SKP1: variants seen among roughly 807,000 people sequenced by gnomAD.
SKP1 encodes S-phase kinase associated protein 1.
A neutral mutation model predicts 21.5 loss-of-function variants in SKP1; 1 was observed. The ratio of observed to expected loss-of-function variants is 0.05; its 90% CI spans 0.02 to 0.22. The LOEUF (loss-of-function observed/expected upper bound fraction) is 0.22, where lower values mean the gene tolerates loss of function less well. Among genes scored for constraint, SKP1 ranks in the 10% least tolerant of loss-of-function variants. The probability of loss-of-function intolerance (pLI) is 1.00; values close to 1 mark genes in which losing one functional copy is unlikely to be tolerated. For synonymous variants in SKP1, 59 were observed against 59.3 expected (o/e 0.99, Z 0.03); for missense variants, 70 against 192.0 (o/e 0.36, Z 3.76).
Position 134,157,784 on chromosome 5 carries a change from A to T in SKP1, c.457-16T>A. On this transcript the variant is annotated splice_polypyrimidine_tract_variant and intron_variant, in intron 5 of 5. Transcript: ENST00000353411. Reference sequence around the variant, plus strand: ...CTTTGCGTACCTAAAAGAGATGGATATAGGGAAGTACCTTAACTTGAGTAG... The same window carrying T: ...CTTTGCGTACCTAAAAGAGATGGATTTAGGGAAGTACCTTAACTTGAGTAG... 1 of 1,613,234 alleles carries T rather than the reference A, an allele frequency of 6.2e-7. No homozygotes were observed. The highest frequency in any genetic ancestry group is 1.1e-5 in the South Asian group (1 of 91,076).
rs1339701210 is a variant in SKP1 at position 134,154,440 on chromosome 5, T to A, written c.*3293A>T. ...TCCAGTCTGGGCGACAGAGTGAGACTCTGTCTCAAAAAAAAAAAAAAAAAA... is the reference window on the plus strand; with the variant it reads ...TCCAGTCTGGGCGACAGAGTGAGACACTGTCTCAAAAAAAAAAAAAAAAAA... On this transcript the variant is annotated 3_prime_UTR_variant, in exon 6 of 6. Transcript: ENST00000353411. 1 of 112,770 alleles carries A rather than the reference T, an allele frequency of 8.9e-6. No homozygotes were observed. The highest frequency in any genetic ancestry group is 1.7e-5 in the Non-Finnish European group (1 of 60,402). 7.0% of individuals were successfully genotyped at this position (112,770 alleles called of 1,614,324 possible).
intron 2 of SKP1, among the ~76,000 whole-genome samples, chr5:134,169,718 T>A (rs558102232): frequency 1.2e-4 from 18 of 151,944 alleles, no homozygotes; most frequent in African/African-American, 4.1e-4. Context: ...TACAAAAAAA[T>A]TGGCCAGGCA....
intron 3 of SKP1, among the ~76,000 whole-genome samples, chr5:134,162,882 G>T (rs988995037): frequency 1.3e-5 from 2 of 151,770 alleles, no homozygotes; most frequent in Non-Finnish European, 2.9e-5. Context: ...AGAATAGCCT[G>T]GGCAATATAG....
Position 134,151,536 on chromosome 5 carries a change from T to A in SKP1, c.*6197A>T. ...CCAGATAGGTGGGAGGTATTCAAAG[T>A]GAGAGCACTTTAAGGAAATAAGCTG... On this transcript the variant is annotated 3_prime_UTR_variant, in exon 6 of 6. Coordinates refer to ENST00000353411, the MANE Select transcript of SKP1 (RefSeq NM_170679.3). The A allele has an allele frequency of 3.0e-6, 1 of 336,476 alleles. No individual in the cohort carries two copies. Among genetic ancestry groups the A allele is most frequent in the Non-Finnish European group, 6.1e-6 (1 of 163,340 alleles). The allele number at this position is 336,476 out of a possible 1,614,324, so 20.8% of individuals were successfully genotyped here.
chr5:134,164,959 T>C (rs1761298897), intron 3 of SKP1, among the ~76,000 whole-genome samples: 1 of 152,056 alleles, frequency 6.6e-6, no homozygotes, highest in East Asian at 1.9e-4. Flanking sequence ...ATTGTATGAT[T>C]CCATATATTA....
intron 2 of SKP1, among the ~76,000 whole-genome samples, chr5:134,169,675 G>T (rs996097196): frequency 6.6e-6 from 1 of 151,764 alleles, no homozygotes; most frequent in Admixed American, 6.6e-5. Flanking sequence ...GACCAGCCTG[G>T]CTAACATGGT....
At chr5:134,160,869 C>G (rs920281515) in intron 4 of SKP1, 118 bp downstream of exon 4, 5 of 665,332 alleles carry the variant, frequency 7.5e-6, no homozygotes, top group Non-Finnish European at 1.0e-5. Context: ...TTAAATATGG[C>G]GTTACATTTG....
At chr5:134,162,058 C>CA (rs1163666504) in intron 3 of SKP1, among the ~76,000 whole-genome samples, 1,810 of 128,476 alleles carry the variant, frequency 0.014, 32 homozygotes, top group African/African-American at 0.036. Context: ...TGCCAGGATC[C>CA]AAAAAAAAAA....
rs1426470632 is a variant in SKP1, at chr5:134,156,577, C to T, written c.*1156G>A. 3 of 151,098 alleles carry T rather than the reference C, an allele frequency of 2.0e-5. No homozygotes were observed. The highest frequency in any genetic ancestry group is 7.3e-5 in the African/African-American group (3 of 41,068). 9.4% of individuals were successfully genotyped at this position (151,098 alleles called of 1,614,324 possible). A position where few individuals can be genotyped will look rare whatever the true frequency, so the allele number is the denominator to read the frequency against. ...AAAGCAAGGAGAAAAAAAGGGAGCACAAGGAAGAAAAAAAAATCAAAATTT... is the reference window on the plus strand; with the variant it reads ...AAAGCAAGGAGAAAAAAAGGGAGCATAAGGAAGAAAAAAAAATCAAAATTT... On this transcript the variant is annotated 3_prime_UTR_variant, in exon 6 of 6. Transcript: ENST00000353411.
intron 4 of SKP1, 39 bp from the exon 5 acceptor site, chr5:134,158,634 T>A: frequency 6.4e-7 from 1 of 1,566,902 alleles, no homozygotes; most frequent in Non-Finnish European, 8.8e-7. Context: ...GTATACTTGA[T>A]GTTTTAAACT....
rs1371427726 is a variant in SKP1, at chr5:134,152,190, A to T, written c.*5543T>A. 1 of 151,450 alleles carries T rather than the reference A, an allele frequency of 6.6e-6. No individual in the cohort carries two copies. Among genetic ancestry groups the T allele is most frequent in the African/African-American group, 2.5e-5 (1 of 40,698 alleles). 9.4% of individuals were successfully genotyped at this position (151,450 alleles called of 1,614,324 possible). On this transcript the variant is annotated 3_prime_UTR_variant, in exon 6 of 6. Coordinates refer to ENST00000353411, the MANE Select transcript of SKP1 (RefSeq NM_170679.3). The stretch of plus-strand genomic sequence containing the variant: ...TTAGTTGAACAGCCAAAAAATAAAT[A>T]AATAAAAATTAAAATTAAAAAAATT...
rs967122361 is a variant in SKP1, at chr5:134,153,166, A to G, written c.*4567T>C. On this transcript the variant is annotated 3_prime_UTR_variant, in exon 6 of 6. Transcript: ENST00000353411. The stretch of plus-strand genomic sequence containing the variant: ...TTGATTCCTTCCTACCAGAATGTAC[A>G]CTGAGCTTTAGAAAAGGAAAAATTG... The G allele has an allele frequency of 3.3e-5, 5 of 152,202 alleles. No individual in the cohort carries two copies. The highest frequency in any genetic ancestry group is 7.2e-5 in the African/African-American group (3 of 41,442). 9.4% of individuals were successfully genotyped at this position (152,202 alleles called of 1,614,324 possible). A position where few individuals can be genotyped will look rare whatever the true frequency, so the allele number is the denominator to read the frequency against.
chr5:134,158,663 T>C, intron 4 of SKP1, 68 bp from the exon 5 acceptor site: 1 of 1,281,300 alleles, frequency 7.8e-7, no homozygotes. Context: ...AGTTAATGAT[T>C]GACACTCCGT....
chr5:134,170,967 C>T (rs777314563), intron 2 of SKP1: 3 of 453,296 alleles, frequency 6.6e-6, no homozygotes, highest in South Asian at 1.6e-5. Flanking sequence ...TTTAGGGACA[C>T]TTGGATTGCT....
intron 4 of SKP1, among the ~76,000 whole-genome samples, chr5:134,159,963 G>A (rs189374971): frequency 3.9e-5 from 6 of 152,110 alleles, no homozygotes; most frequent in South Asian, 2.1e-4. Context: ...GATCACAGGC[G>A]TGAGCCACCG....
intron 3 of SKP1, among the ~76,000 whole-genome samples, chr5:134,163,405 A>C (rs1761259281): frequency 6.6e-6 from 1 of 151,822 alleles, no homozygotes; most frequent in African/African-American, 2.4e-5. Flanking sequence ...AGACAGGGAA[A>C]GGAGATTTTA....
chr5:134,161,260 T>C (rs1276094602), intron 3 of SKP1, 130 bp from the exon 4 acceptor site: 1 of 716,422 alleles, frequency 1.4e-6, no homozygotes, highest in East Asian at 2.8e-5. Context: ...ACAGCCAAGC[T>C]TGAAAAACAA....
chr5:134,165,585 CAAA>C (rs10707716), intron 3 of SKP1, among the ~76,000 whole-genome samples: 4,269 of 97,638 alleles, frequency 0.044, 186 homozygotes, highest in African/African-American at 0.14. Context: ...GTGTCTGTCT[CAAA>C]AAAAAAAAAA....
rs77550408 is a variant in SKP1, at chr5:134,164,848, T to C, written c.171+2322A>G. Among the ~76,000 whole-genome samples, 127 of 152,346 alleles carry C rather than the reference T, an allele frequency of 8.3e-4. 1 individual carries two copies. The highest frequency in any genetic ancestry group is 2.7e-3 in the African/African-American group (114 of 41,590). On this transcript the variant is annotated intron_variant, in intron 3 of 5. Coordinates refer to ENST00000353411, the MANE Select transcript of SKP1 (RefSeq NM_170679.3). Reference sequence around the variant, plus strand: ...ATGGTTAAGGTGGTAAATTTTGTTATGTGTATTTTACCACAATTTTTTAAG... The same window carrying C: ...ATGGTTAAGGTGGTAAATTTTGTTACGTGTATTTTACCACAATTTTTTAAG...
Sources: gnomAD v4.1 joint callset for allele counts (sites outside exome capture counted in the v4.1 genomes callset) on GRCh38, gnomAD v4.1.1 for gene constraint, MANE v1.5 for transcripts, NCBI Gene and HGNC (gene_info 2026-07-23, HGNC 2026-07-21) for gene names.